KIF3C: variants seen among roughly 807,000 people sequenced by gnomAD.
KIF3C encodes kinesin-like protein KIF3C.
A neutral mutation model predicts 67.7 loss-of-function variants in KIF3C; 12 were observed. That is an observed-to-expected ratio of 0.18 (90% confidence interval 0.11 to 0.29). KIF3C has a LOEUF of 0.29. Ranked by LOEUF, KIF3C falls within the 10% of genes least tolerant of loss-of-function variation. The pLI, the probability that KIF3C is intolerant of heterozygous loss-of-function variation, is 1.00. For synonymous variants in KIF3C, 393 were observed against 426.2 expected, an observed-to-expected ratio of 0.92 and a Z score of 0.96; for missense variants, 789 against 1,059.6, an observed-to-expected ratio of 0.74 and a Z score of 3.55.
chr2:25,967,905 GTGATAAATTACACCCAAA>G (rs1433519447), intron 1 of KIF3C, among the ~76,000 whole-genome samples: 3 of 152,186 alleles, frequency 2.0e-5, no homozygotes, highest in Non-Finnish European at 2.9e-5. Flanking sequence ...GTGTTGGTAA[GTGATAAATTACACCCAAA>G]TGGTAGTCGT....
intron 1 of KIF3C, among the ~76,000 whole-genome samples, chr2:25,961,877 G>T (rs1393628285): frequency 6.6e-6 from 1 of 151,844 alleles, no homozygotes; most frequent in Non-Finnish European, 1.5e-5. Context: ...TTGAACCCGA[G>T]GCGGAGGTTG....
intron 5 of KIF3C, among the ~76,000 whole-genome samples, chr2:25,933,093 T>C (rs1279422040): frequency 1.3e-5 from 2 of 148,696 alleles, no homozygotes; most frequent in South Asian, 4.3e-4. Flanking sequence ...TCTAGTAAAA[T>C]ACAAAAAATT....
chr2:25,977,911 T>C (rs1412616782), intron 1 of KIF3C, among the ~76,000 whole-genome samples: 4 of 152,176 alleles, frequency 2.6e-5, no homozygotes, highest in Non-Finnish European at 5.9e-5. Context: ...TGTCCTAGGC[T>C]GAGTGTGATG....
intron 5 of KIF3C, among the ~76,000 whole-genome samples, chr2:25,947,569 A>G (rs1663480527): frequency 1.3e-5 from 2 of 151,976 alleles, no homozygotes; most frequent in Non-Finnish European, 1.5e-5. Context: ...TGACAGAGCG[A>G]GACTGCCTCA....
At chr2:25,948,660 A>G (rs969689553) in intron 5 of KIF3C, among the ~76,000 whole-genome samples, 1 of 136,224 alleles carries the variant, frequency 7.3e-6, no homozygotes, top group Non-Finnish European at 1.6e-5. Flanking sequence ...GAGAAAGAGA[A>G]AGAGAGAAAG....
intron 5 of KIF3C, among the ~76,000 whole-genome samples, chr2:25,939,528 T>C (rs1003573746): frequency 2.0e-5 from 3 of 152,206 alleles, no homozygotes; most frequent in Non-Finnish European, 4.4e-5. Flanking sequence ...CTCACAGGTC[T>C]GTGAAGAAAT....
intron 5 of KIF3C, among the ~76,000 whole-genome samples, chr2:25,945,967 G>T (rs1164376123): frequency 6.6e-6 from 1 of 151,798 alleles, no homozygotes; most frequent in Non-Finnish European, 1.5e-5. Flanking sequence ...AAACAAATTA[G>T]CCGGGCATGG....
chr2:25,954,215 G>T, intron 4 of KIF3C, 52 bp downstream of exon 4: 1 of 1,326,400 alleles, frequency 7.5e-7, no homozygotes, highest in Non-Finnish European at 1.1e-6. Flanking sequence ...AGAGGCCTGA[G>T]TAATGATGGC....
chr2:25,955,874 T>C lies in KIF3C; in HGVS notation c.1648-211A>G, dbSNP rs1663795071. Among the ~76,000 whole-genome samples, 1 of 151,940 alleles carries C rather than the reference T, an allele frequency of 6.6e-6. No homozygotes were observed. The highest frequency in any genetic ancestry group is 1.5e-5 in the Non-Finnish European group (1 of 67,962). On this transcript the variant is annotated intron_variant, in intron 2 of 7. Coordinates refer to ENST00000264712, the MANE Select transcript of KIF3C (RefSeq NM_002254.8). The surrounding 1 kb of genome is among the most constrained non-coding windows in gnomAD (Gnocchi z 5.0). ...CATGCCTTTGCCAGGCTCTGCCCCA[T>C]GTGGATGGAGACCCCAGCCCCTAAG...
intron 5 of KIF3C, among the ~76,000 whole-genome samples, chr2:25,946,784 G>A (rs796410685): frequency 4.9e-4 from 75 of 152,232 alleles, no homozygotes; most frequent in African/African-American, 1.7e-3. Context: ...AGTCTGGGAG[G>A]TGGAGGTTGC....
chr2:25,969,026 G>A (rs940721740), intron 1 of KIF3C, among the ~76,000 whole-genome samples: 15 of 152,072 alleles, frequency 9.9e-5, no homozygotes, highest in East Asian at 7.7e-4. Context: ...GTTTCGCCAC[G>A]TTGGTCAGGC....
At position 25,973,146 on chromosome 2, in the gene KIF3C, G is replaced by A. The variant is rs114190265; in HGVS notation, c.1545+7227C>T. 6.5e-3 allele frequency among the ~76,000 whole-genome samples: 982 copies of A among 152,158 alleles called. 5 individuals are homozygous for A. Among genetic ancestry groups the A allele is most frequent in the African/African-American group, 0.022 (915 of 41,510 alleles). On this transcript the variant is annotated intron_variant, in intron 1 of 7. Transcript: ENST00000264712. Reference sequence around the variant, plus strand: ...GATTCTGAAGATCATCTGGTTCAACGGCTTTCCTGATATATCAAGCCCTTA... The same window carrying A: ...GATTCTGAAGATCATCTGGTTCAACAGCTTTCCTGATATATCAAGCCCTTA...
chr2:25,975,326 A>G (rs775668104), intron 1 of KIF3C, among the ~76,000 whole-genome samples: 11 of 151,940 alleles, frequency 7.2e-5, no homozygotes, highest in Non-Finnish European at 1.2e-4. Context: ...ATGCCTGGCT[A>G]ATTTTTTGTA....
At chr2:25,970,667 CAA>C (rs397984116) in intron 1 of KIF3C, among the ~76,000 whole-genome samples, 94 of 54,792 alleles carry the variant, frequency 1.7e-3, no homozygotes, top group African/African-American at 4.1e-3. Context: ...AACTTTGTCT[CAA>C]AAAAAAAAAA....
intron 5 of KIF3C, among the ~76,000 whole-genome samples, chr2:25,935,189 A>G (rs1012591517): frequency 6.6e-6 from 1 of 152,122 alleles, no homozygotes; most frequent in Non-Finnish European, 1.5e-5. Flanking sequence ...AGTTGCAGTG[A>G]GCTGAGATCA....
At chr2:25,934,386 G>A (rs1407075944) in intron 5 of KIF3C, among the ~76,000 whole-genome samples, 4 of 151,886 alleles carry the variant, frequency 2.6e-5, no homozygotes, top group Non-Finnish European at 4.4e-5. Flanking sequence ...CGAGACCAGC[G>A]TGACCAACAT....
chr2:25,973,327 G>C (rs1271673193), intron 1 of KIF3C, among the ~76,000 whole-genome samples: 2 of 152,106 alleles, frequency 1.3e-5, no homozygotes, highest in Non-Finnish European at 2.9e-5. Flanking sequence ...GCTGAGGTGG[G>C]TGCATCACCT....
At chr2:25,936,018 C>T (rs1002082931) in intron 5 of KIF3C, among the ~76,000 whole-genome samples, 6 of 151,320 alleles carry the variant, frequency 4.0e-5, no homozygotes, top group African/African-American at 9.7e-5. Flanking sequence ...ACCCGGGAGG[C>T]GGAGGTTGTA....
intron 1 of KIF3C, among the ~76,000 whole-genome samples, chr2:25,963,490 G>A (rs1182261326): frequency 1.3e-5 from 2 of 150,536 alleles, no homozygotes; most frequent in East Asian, 3.9e-4. Context: ...ACCACTCCCA[G>A]CCTAATTTTT....
Sources: allele counts gnomAD v4.1 joint callset (sites outside exome capture counted in the v4.1 genomes callset), GRCh38; gene constraint gnomAD v4.1.1; non-coding constraint Gnocchi (gnomAD v3.1); transcripts MANE v1.5; gene names NCBI Gene and HGNC (gene_info 2026-07-23, HGNC 2026-07-21).